Variants in SORD observed in about 807,000 individuals in gnomAD.
The protein encoded by SORD is sorbitol dehydrogenase, also known as (R,R)-butanediol dehydrogenase.
In SORD, 18 loss-of-function variants were observed where a neutral mutation model predicts 35.6. The observed-to-expected ratio is 0.51, with a 90% confidence interval of 0.35 to 0.75. The LOEUF (loss-of-function observed/expected upper bound fraction) is 0.75, where lower values mean the gene tolerates loss of function less well. Ranked by LOEUF, SORD falls within the 30% of genes least tolerant of loss-of-function variation. The probability of loss-of-function intolerance (pLI) is 0.01; values close to 1 mark genes in which losing one functional copy is unlikely to be tolerated. For synonymous variants in SORD, 106 were observed against 152.9 expected (o/e 0.69, Z 2.26); for missense variants, 250 against 390.2 (o/e 0.64, Z 3.03).
chr15:45,040,068 AGGGAGGG>A (rs1187294934), intron 1 of SORD, among the ~76,000 whole-genome samples: 1 of 151,922 alleles, frequency 6.6e-6, no homozygotes, highest in East Asian at 1.9e-4. Context: ...GCTGTTTCCT[AGGGAGGG>A]AACCCAGCGT....
At chr15:45,040,513 T>C (rs35521223) in intron 2 of SORD, 72 bp downstream of exon 2, 33 of 1,111,066 alleles carry the variant, frequency 3.0e-5, no homozygotes, top group African/African-American at 9.2e-5. Context: ...ATGTATATTG[T>C]TCCCTTACCT....
intron 1 of SORD, among the ~76,000 whole-genome samples, chr15:45,035,439 A>G (rs79380437): frequency 1.3e-5 from 2 of 151,828 alleles, no homozygotes; most frequent in African/African-American, 2.4e-5. Context: ...GAATGCACCA[A>G]TCCACACTCT....
intron 3 of SORD, chr15:45,050,526 C>CA (rs1188874675): frequency 2.0e-5 from 3 of 152,192 alleles, no homozygotes; most frequent in Admixed American, 2.0e-4. Context: ...GAATCCTGTA[C>CA]AGGGACTGTG....
chr15:45,066,284 T>C (rs561633855), intron 5 of SORD, among the ~76,000 whole-genome samples: 1 of 152,044 alleles, frequency 6.6e-6, no homozygotes, highest in East Asian at 1.9e-4. Context: ...TGGCGATTAT[T>C]TTTGAACCCT....
chr15:45,071,797 C>A (rs1245837563), intron 7 of SORD, among the ~76,000 whole-genome samples: 1 of 126,856 alleles, frequency 7.9e-6, no homozygotes, highest in Admixed American at 8.5e-5. Flanking sequence ...AGGTAAACAT[C>A]TCTGGAACAA....
At chr15:45,066,960 G>A (rs8023251) in intron 5 of SORD, among the ~76,000 whole-genome samples, 161 of 152,252 alleles carry the variant, frequency 1.1e-3, no homozygotes, top group African/African-American at 3.6e-3. Context: ...CTGCAATCCC[G>A]TCACCGATTA....
At chr15:45,042,984 A>C (rs1892993105) in intron 2 of SORD, among the ~76,000 whole-genome samples, 1 of 151,766 alleles carries the variant, frequency 6.6e-6, no homozygotes, top group Non-Finnish European at 1.5e-5. Context: ...ATTGGTTTAA[A>C]AGTTAACCAT....
At chr15:45,065,741 G>A (rs1893394767) in intron 5 of SORD, among the ~76,000 whole-genome samples, 1 of 152,108 alleles carries the variant, frequency 6.6e-6, no homozygotes, top group Admixed American at 6.5e-5. Context: ...GCAACATGGT[G>A]AAACCCCGTC....
intron 1 of SORD, among the ~76,000 whole-genome samples, chr15:45,038,149 TTCCTTCCTTCCTTCC>T (rs1355284922): frequency 1.5e-5 from 2 of 137,664 alleles, no homozygotes; most frequent in African/African-American, 6.2e-5. Context: ...CCTTCCTTCC[TTCCTTCCTTCCTTCC>T]TTCCTTCCTT....
At chr15:45,029,017 C>T (rs1029204531) in intron 1 of SORD, among the ~76,000 whole-genome samples, 8 of 152,198 alleles carry the variant, frequency 5.3e-5, no homozygotes, top group Non-Finnish European at 1.2e-4. Flanking sequence ...CTGGATTAAA[C>T]CAGATTACCC....
chr15:45,054,423 T>G (rs1893179722), intron 3 of SORD, among the ~76,000 whole-genome samples: 1 of 152,220 alleles, frequency 6.6e-6, no homozygotes, highest in Non-Finnish European at 1.5e-5. Context: ...TCATGTGTTT[T>G]TTGGCTGCAT....
chr15:45,053,485 G>C (rs574894277), intron 3 of SORD, among the ~76,000 whole-genome samples: 1 of 152,130 alleles, frequency 6.6e-6, no homozygotes, highest in Admixed American at 6.5e-5. Context: ...AGAAGGAGGG[G>C]AAAATTAACC....
intron 1 of SORD, among the ~76,000 whole-genome samples, chr15:45,033,937 G>C (rs1161847563): frequency 2.0e-5 from 3 of 152,100 alleles, no homozygotes; most frequent in Non-Finnish European, 4.4e-5. Context: ...ACTTAGTTTT[G>C]CTTTGATGAT....
chr15:45,070,325 G>C (rs1893490083), intron 7 of SORD: 1 of 152,254 alleles, frequency 6.6e-6, no homozygotes, highest in South Asian at 2.1e-4. Flanking sequence ...GCCTCCCCAG[G>C]TAGCGTGGGC....
chr15:45,028,721 G>A (rs1381615595), intron 1 of SORD, among the ~76,000 whole-genome samples: 2 of 152,224 alleles, frequency 1.3e-5, no homozygotes, highest in Non-Finnish European at 2.9e-5. Flanking sequence ...TTGAGTTTTT[G>A]TCCATTGAGG....
rs1893459722 is a variant in SORD at position 45,069,033 on chromosome 15, C to G, written c.767C>G (p.Ser256Cys). ...ATCGAGTGCACGGGGGCAGAGGCCT[C>G]CATCCAGGCGGGCATCTACGTGAGT... Reference protein sequence around the residue: ...VTIECTGAEASIQAGIYATRS... With the variant: ...VTIECTGAEACIQAGIYATRS... The change falls in exon 7 of 9, where the codon TCC becomes TGC. Residue 256 changes from serine (S) to cysteine (C), a missense_variant. By Grantham distance (112) the Ser-to-Cys change is moderately radical. This residue lies in a region of SORD where 44 missense variants were observed against 54.5 expected (regional missense o/e 0.81). Coordinates refer to ENST00000267814, the MANE Select transcript of SORD (RefSeq NM_003104.6). 1 of 1,610,906 alleles carries G rather than the reference C, an allele frequency of 6.2e-7. No individual in the cohort carries two copies. The highest frequency in any genetic ancestry group is 8.5e-7 in the Non-Finnish European group (1 of 1,178,984).
At chr15:45,023,471 GC>G in intron 1 of SORD, 122 bp downstream of exon 1, 1 of 834,592 alleles carries the variant, frequency 1.2e-6, no homozygotes, top group Non-Finnish European at 1.7e-6. Flanking sequence ...CGCCCTGGCT[GC>G]CCAGATCCCA....
chr15:45,067,715 A>G (rs1414957641), intron 5 of SORD, among the ~76,000 whole-genome samples: 1 of 152,218 alleles, frequency 6.6e-6, no homozygotes, highest in African/African-American at 2.4e-5. Context: ...AGCTCACTTA[A>G]GAACCCTCTC....
At chr15:45,050,656 C>T (rs1018165372) in intron 3 of SORD, 1 of 152,166 alleles carries the variant, frequency 6.6e-6, no homozygotes, top group Non-Finnish European at 1.5e-5. Context: ...ACTAGTTTCT[C>T]CAGTTGTGTC....
Sources: allele counts gnomAD v4.1 joint callset (sites outside exome capture counted in the v4.1 genomes callset), GRCh38; gene constraint gnomAD v4.1.1; regional missense constraint gnomAD v4.1.1; transcripts MANE v1.5; gene names NCBI Gene and HGNC (gene_info 2026-07-23, HGNC 2026-07-21).